ZNF804B: variants seen among roughly 807,000 people sequenced by gnomAD.
ZNF804B encodes zinc finger protein 804B, also known as zinc finger 804B.
Under a neutral mutation model 101.4 loss-of-function variants are expected in ZNF804B, and 80 were observed. That is an observed-to-expected ratio of 0.79 (90% CI 0.66 to 0.95). The LOEUF (loss-of-function observed/expected upper bound fraction) is 0.95, where lower values mean the gene tolerates loss of function less well. Among genes scored for constraint, ZNF804B ranks in the 40% least tolerant of loss-of-function variants. The probability of loss-of-function intolerance (pLI) is 0.00; values close to 1 mark genes in which losing one functional copy is unlikely to be tolerated. For synonymous variants in ZNF804B, 622 were observed against 558.8 expected (o/e 1.11, Z -1.59); for missense variants, 1,673 against 1,561.9 (o/e 1.07, Z -1.20).
chr7:89,233,910 A>G (rs927814799), intron 2 of ZNF804B, among the ~76,000 whole-genome samples: 12 of 152,270 alleles, frequency 7.9e-5, no homozygotes, highest in Non-Finnish European at 5.9e-5. Context: ...ATGTGTGGCC[A>G]TTGCTCCCTG....
At chr7:89,284,436 G>A (rs750924081) in intron 2 of ZNF804B, among the ~76,000 whole-genome samples, 1 of 152,170 alleles carries the variant, frequency 6.6e-6, no homozygotes, top group Non-Finnish European at 1.5e-5. Context: ...GATATTATAG[G>A]AAAAATTTGA....
rs1337262375 is a variant in ZNF804B, at chr7:89,335,387, G to A, written c.2405G>A (p.Cys802Tyr). The A allele has an allele frequency of 6.2e-7, 1 of 1,613,728 alleles. No homozygotes were observed. Among genetic ancestry groups the A allele is most frequent in the Non-Finnish European group, 8.5e-7 (1 of 1,179,916 alleles). Residue 802 changes from cysteine to tyrosine, a missense_variant, in exon 4 of 4, where the codon TGT (cysteine) becomes TAT (tyrosine). Physicochemically the swap from Cys to Tyr is radical, Grantham distance 194. Transcript: ENST00000333190. ...GAAAAATACTCAAAACGTAGATATT[G>A]TCACTGCAGAGAAAGACAAAAACTG... ...KNEKYSKRRY[C>Y]HCRERQKLGK...
intron 1 of ZNF804B, among the ~76,000 whole-genome samples, chr7:89,043,709 A>T (rs1789054644): frequency 6.6e-6 from 1 of 152,218 alleles, no homozygotes; most frequent in Non-Finnish European, 1.5e-5. Context: ...TATGTGGTTT[A>T]TAGTTAAAAG....
intron 1 of ZNF804B, among the ~76,000 whole-genome samples, chr7:88,960,190 G>C (rs1454041399): frequency 6.6e-6 from 1 of 151,266 alleles, no homozygotes; most frequent in East Asian, 2.0e-4. Context: ...ATTTCAAAAT[G>C]TATTTTAAAA....
At chr7:89,197,116 G>C (rs1045893420) in intron 1 of ZNF804B, among the ~76,000 whole-genome samples, 1 of 151,918 alleles carries the variant, frequency 6.6e-6, no homozygotes, top group African/African-American at 2.4e-5. Context: ...TTAATACCTA[G>C]GTGATGGGAT....
chr7:89,120,371 A>AC (rs1221646137), intron 1 of ZNF804B, among the ~76,000 whole-genome samples: 2 of 151,992 alleles, frequency 1.3e-5, no homozygotes, highest in Non-Finnish European at 2.9e-5. Context: ...AAAAATTAAA[A>AC]ATCTGGCCGG....
At chr7:89,330,416 C>A (rs1258726435) in intron 3 of ZNF804B, among the ~76,000 whole-genome samples, 3 of 151,496 alleles carry the variant, frequency 2.0e-5, no homozygotes, top group African/African-American at 7.3e-5. Context: ...ATGATAGATG[C>A]ACAAATTAAT....
chr7:88,761,510 A>C (rs1789895988), intron 1 of ZNF804B, among the ~76,000 whole-genome samples: 1 of 152,220 alleles, frequency 6.6e-6, no homozygotes, highest in Non-Finnish European at 1.5e-5. Flanking sequence ...AGTCTCAGCA[A>C]ACCACTTTAA....
chr7:89,337,172 G>C lies in ZNF804B; in HGVS notation c.*140G>C. 1.1e-6 allele frequency: 1 copy of C among 908,084 alleles called. No homozygotes were observed. Among genetic ancestry groups the C allele is most frequent in the Non-Finnish European group, 1.6e-6 (1 of 626,496 alleles). The allele number at this position is 908,084 out of a possible 1,614,324, so 56.3% of individuals were successfully genotyped here. On this transcript the variant is annotated 3_prime_UTR_variant, in exon 4 of 4. Transcript: ENST00000333190. ...TGTGACAAATATATAAATATGATCTGAATTGCTAATACTAAAACAAGAGCA... is the reference window on the plus strand; with the variant it reads ...TGTGACAAATATATAAATATGATCTCAATTGCTAATACTAAAACAAGAGCA...
chr7:88,854,437 TTC>T (rs1338954993), intron 1 of ZNF804B, among the ~76,000 whole-genome samples: 6 of 125,950 alleles, frequency 4.8e-5, no homozygotes, highest in African/African-American at 1.6e-4. Flanking sequence ...CTTTCTTTCT[TTC>T]TTTCTTTCTT....
chr7:89,070,804 C>T (rs1789524698), intron 1 of ZNF804B, among the ~76,000 whole-genome samples: 1 of 151,946 alleles, frequency 6.6e-6, no homozygotes, highest in South Asian at 2.1e-4. Flanking sequence ...ACTCAAGGAG[C>T]TCGCTGCCCC....
intron 1 of ZNF804B, among the ~76,000 whole-genome samples, chr7:89,098,045 A>G (rs76987242): frequency 0.01 from 1,547 of 152,274 alleles, 24 homozygotes; most frequent in African/African-American, 0.035. Context: ...GCTTGGATAC[A>G]GACCTAAGCA....
At chr7:89,288,300 G>C (rs749547546) in intron 2 of ZNF804B, among the ~76,000 whole-genome samples, 19 of 152,000 alleles carry the variant, frequency 1.3e-4, no homozygotes, top group Non-Finnish European at 2.5e-4. Context: ...GATATATAAG[G>C]AGTTCCAGAA....
intron 1 of ZNF804B, among the ~76,000 whole-genome samples, chr7:89,195,621 C>A (rs912283021): frequency 1.3e-5 from 2 of 150,962 alleles, no homozygotes; most frequent in African/African-American, 4.9e-5. Flanking sequence ...ACCTAGGAAT[C>A]CAACTTACAG....
intron 2 of ZNF804B, among the ~76,000 whole-genome samples, chr7:89,246,238 T>A (rs2115775097): frequency 6.6e-6 from 1 of 152,266 alleles, no homozygotes; most frequent in South Asian, 2.1e-4. Context: ...AGGAGATATA[T>A]GACAGCTGCA....
At chr7:89,245,695 T>C (rs894034096) in intron 2 of ZNF804B, among the ~76,000 whole-genome samples, 1 of 152,102 alleles carries the variant, frequency 6.6e-6, no homozygotes, top group Non-Finnish European at 1.5e-5. Context: ...GAACAGTGCA[T>C]AAATATTAAC....
At chr7:88,790,925 T>A (rs1019881882) in intron 1 of ZNF804B, among the ~76,000 whole-genome samples, 1 of 152,146 alleles carries the variant, frequency 6.6e-6, no homozygotes, top group Non-Finnish European at 1.5e-5. Context: ...CACAGCTAAA[T>A]GAGTCCAATT....
chr7:89,258,081 A>T (rs894557383), intron 2 of ZNF804B, among the ~76,000 whole-genome samples: 1 of 152,120 alleles, frequency 6.6e-6, no homozygotes, highest in Non-Finnish European at 1.5e-5. Flanking sequence ...GGAAAAAAAT[A>T]CAATAAAAAT....
chr7:89,058,383 TATAAC>T (rs201498886), intron 1 of ZNF804B, among the ~76,000 whole-genome samples: 445 of 142,248 alleles, frequency 3.1e-3, no homozygotes, highest in Middle Eastern at 0.011. Context: ...TATTTTATGG[TATAAC>T]ATAATTTTAT....
Sources: gnomAD v4.1 joint callset for allele counts (sites outside exome capture counted in the v4.1 genomes callset) on GRCh38, gnomAD v4.1.1 for gene constraint, MANE v1.5 for transcripts, NCBI Gene and HGNC (gene_info 2026-07-23, HGNC 2026-07-21) for gene names.